The following MTFR1 variants were observed in gnomAD, a reference collection of about 807,000 sequenced individuals.
MTFR1 encodes the protein chondrocyte protein with a poly-proline region.
Under a neutral mutation model 38.8 loss-of-function variants are expected in MTFR1, and 28 were observed. The ratio of observed to expected loss-of-function variants is 0.72; its 90% CI spans 0.53 to 0.99. The LOEUF is 0.99. MTFR1 is among the 50% of genes least tolerant of loss of function. The probability of loss-of-function intolerance (pLI) is 0.00; values close to 1 mark genes in which losing one functional copy is unlikely to be tolerated. For synonymous variants in MTFR1, 145 were observed against 137.0 expected (o/e 1.06, Z -0.41); for missense variants, 358 against 395.5 (o/e 0.91, Z 0.81).
intron 1 of MTFR1, among the ~76,000 whole-genome samples, chr8:65,648,110 C>T (rs560833266): frequency 2.6e-5 from 4 of 152,058 alleles, no homozygotes; most frequent in Non-Finnish European, 5.9e-5. Flanking sequence ...CTCCCGGGTT[C>T]ACGCCATTCC....
intron 1 of MTFR1, among the ~76,000 whole-genome samples, chr8:65,662,892 G>T (rs1044497467): frequency 6.0e-5 from 9 of 150,634 alleles, no homozygotes; most frequent in African/African-American, 2.0e-4. Flanking sequence ...CAGCCGCCCC[G>T]TCCTGGAGGG....
intron 1 of MTFR1, among the ~76,000 whole-genome samples, chr8:65,658,497 A>G (rs181710103): frequency 6.6e-6 from 1 of 152,310 alleles, no homozygotes; most frequent in Admixed American, 6.5e-5. Flanking sequence ...CCAGCTGCCA[A>G]CCAAAATTAA....
chr8:65,720,371 C>T (rs1481909832), intron 3 of MTFR1: 1 of 154,128 alleles, frequency 6.5e-6, no homozygotes, highest in Non-Finnish European at 1.5e-5. Flanking sequence ...CATTCTGATT[C>T]TATCACGCTT....
At chr8:65,662,781 C>A (rs1022617373) in intron 1 of MTFR1, among the ~76,000 whole-genome samples, 43 of 150,516 alleles carry the variant, frequency 2.9e-4, no homozygotes, top group African/African-American at 2.9e-4. Flanking sequence ...AGCGTCTCCG[C>A]CCAGCAGCCA....
intron 3 of MTFR1, among the ~76,000 whole-genome samples, chr8:65,755,989 GT>G (rs1210108477): frequency 6.6e-6 from 1 of 152,174 alleles, no homozygotes; most frequent in East Asian, 1.9e-4. Context: ...CTGGAAATAT[GT>G]TAAACTCCCC....
In MTFR1 at chr8:65,707,973, C is replaced by A; in HGVS notation, c.895C>A (p.Pro299Thr). 6.2e-7 allele frequency: 1 copy of A among 1,613,514 alleles called. No homozygotes were observed. The highest frequency in any genetic ancestry group is 1.1e-5 in the South Asian group (1 of 91,068). ...CCAAGATGAAGTTGAAAAAGGAATT[C>A]CAAAGTCTGAATCAGAGGCCACCTC... ...DSQDEVEKGI[P>T]KSESEATSER... is the part of the protein sequence containing the mutation. Residue 299 changes from proline to threonine, a missense_variant, in exon 7 of 8, where the codon CCA becomes ACA. Pro to Thr is a conservative substitution (Grantham distance 38). Coordinates refer to ENST00000262146, the MANE Select transcript of MTFR1 (RefSeq NM_014637.4).
At chr8:65,752,781 T>C (rs1316227957) in intron 3 of MTFR1, among the ~76,000 whole-genome samples, 1 of 152,188 alleles carries the variant, frequency 6.6e-6, no homozygotes, top group African/African-American at 2.4e-5. Context: ...CTCTAAACTG[T>C]CTATGTTGAA....
intron 3 of MTFR1, among the ~76,000 whole-genome samples, chr8:65,691,475 A>G (rs1017234485): frequency 1.3e-5 from 2 of 152,096 alleles, no homozygotes; most frequent in Admixed American, 1.3e-4. Flanking sequence ...TTTTTAGTAG[A>G]GACAGGTGTT....
Position 65,647,265 on chromosome 8 carries a change from C to G in MTFR1, c.-81+2481C>G, listed in dbSNP as rs547120626. The stretch of plus-strand genomic sequence containing the variant: ...GGAAAGGACCAGACAGAGAATACAG[C>G]CTGAAACAGAGAAAAGAGAATGGTA... On this transcript the variant is annotated intron_variant, in intron 1 of 7. Coordinates refer to ENST00000262146, the MANE Select transcript of MTFR1 (RefSeq NM_014637.4). 2.0e-5 allele frequency among the ~76,000 whole-genome samples: 3 copies of G among 152,194 alleles called. No homozygotes were observed. The South Asian group carries it at 6.2e-4, about 32-fold the overall frequency.
intron 2 of MTFR1, among the ~76,000 whole-genome samples, chr8:65,674,914 C>T (rs930327251): frequency 3.9e-5 from 6 of 152,116 alleles, no homozygotes; most frequent in African/African-American, 1.4e-4. Context: ...AATGTGAACC[C>T]AATTCTGATT....
intron 3 of MTFR1, among the ~76,000 whole-genome samples, chr8:65,736,615 G>A (rs1434071862): frequency 1.3e-5 from 2 of 151,788 alleles, no homozygotes; most frequent in African/African-American, 2.4e-5. Context: ...GTCTGGTGTG[G>A]TGGTGCACAC....
At chr8:65,689,136 C>G (rs1456856847) in intron 3 of MTFR1, among the ~76,000 whole-genome samples, 1 of 152,140 alleles carries the variant, frequency 6.6e-6, no homozygotes, top group African/African-American at 2.4e-5. Flanking sequence ...CAGAACAAGA[C>G]TTGGTCTCAA....
In MTFR1 at chr8:65,707,923, T is replaced by C. The variant is rs754364861; in HGVS notation, c.845T>C (p.Phe282Ser). 2 of 1,613,986 alleles carry C rather than the reference T, an allele frequency of 1.2e-6. No individual in the cohort carries two copies. Among genetic ancestry groups the C allele is most frequent in the African/African-American group, 1.3e-5 (1 of 74,910 alleles). The change falls in exon 7 of 8, where the codon TTT becomes TCT. Residue 282 changes from phenylalanine to serine, a missense_variant. Transcript: ENST00000262146. ...ATAGCAGAGGCTCTGAAAAAGAAAT[T>C]TGCTTATCGGTATCGAAGTGATAGC... ...ALIAEALKKK[F>S]AYRYRSDSQD...
intron 1 of MTFR1, among the ~76,000 whole-genome samples, chr8:65,652,891 A>C (rs141516949): frequency 0.011 from 1,618 of 152,250 alleles, 11 homozygotes; most frequent in Non-Finnish European, 0.018. Context: ...ACTTTTTACT[A>C]TGCCATTTTA....
intron 3 of MTFR1, among the ~76,000 whole-genome samples, chr8:65,690,482 A>G (rs1445879516): frequency 6.6e-6 from 1 of 152,164 alleles, no homozygotes; most frequent in African/African-American, 2.4e-5. Context: ...GTGAGCCGAG[A>G]TGGTACCACT....
chr8:65,688,934 C>T (rs1805187810), intron 3 of MTFR1, among the ~76,000 whole-genome samples: 1 of 151,772 alleles, frequency 6.6e-6, no homozygotes, highest in South Asian at 2.1e-4. Context: ...CACTTGAGGT[C>T]AGGAGTTCAA....
intron 3 of MTFR1, among the ~76,000 whole-genome samples, chr8:65,758,209 T>A (rs530826068): frequency 2.0e-5 from 3 of 152,328 alleles, no homozygotes; most frequent in East Asian, 3.9e-4. Context: ...AACAGCCGTA[T>A]TCACTCTCAG....
At chr8:65,739,636 C>G (rs1302429592) in intron 3 of MTFR1, 19 of 1,431,594 alleles carry the variant, frequency 1.3e-5, no homozygotes, top group Non-Finnish European at 1.8e-5. Context: ...GTAGGAAATA[C>G]AAGTCAACAC....
chr8:65,721,461 G>C (rs1376389571), intron 3 of MTFR1, among the ~76,000 whole-genome samples: 1 of 152,118 alleles, frequency 6.6e-6, no homozygotes, highest in African/African-American at 2.4e-5. Context: ...TGCATGAAGT[G>C]GGCAAACCAT....
Sources: allele counts gnomAD v4.1 joint callset (sites outside exome capture counted in the v4.1 genomes callset), GRCh38; gene constraint gnomAD v4.1.1; transcripts MANE v1.5; gene names NCBI Gene and HGNC (gene_info 2026-07-23, HGNC 2026-07-21).